Variants in PCDHA9 observed in about 807,000 individuals in gnomAD.
PCDHA9 encodes the protein protocadherin alpha-9.
In PCDHA9, 62 loss-of-function variants were observed where a neutral mutation model predicts 62.0. The observed-to-expected ratio is 1.00, with a 90% CI of 0.81 to 1.23. The LOEUF is 1.23. PCDHA9 is among the 50% of genes most tolerant of loss of function. The probability of loss-of-function intolerance (pLI) is 0.00; values close to 1 mark genes in which losing one functional copy is unlikely to be tolerated. For synonymous variants in PCDHA9, 557 were observed against 567.6 expected (o/e 0.98, Z 0.27); for missense variants, 1,205 against 1,249.8 (o/e 0.96, Z 0.54).
intron 1 of PCDHA9, chr5:140,854,257 T>C (rs189442319): frequency 3.3e-6 from 2 of 609,080 alleles, no homozygotes; most frequent in Non-Finnish European, 4.1e-6. Flanking sequence ...TGGTATAAAA[T>C]GTACATTAGT....
At chr5:140,884,175 C>T in intron 1 of PCDHA9, 1 of 1,613,438 alleles carries the variant, frequency 6.2e-7, no homozygotes, top group Non-Finnish European at 8.5e-7. Context: ...ACGACGCGCC[C>T]TCTGGACGAG....
Position 140,850,000 on chromosome 5 carries a change from G to T in PCDHA9, c.1505G>T (p.Arg502Leu). ...CTGGTGGAGCGGCGGTTGGGCGAGC[G>T]CTCGCTGTCGAGCTACGTGTCAGTG... ...YSLVERRLGERSLSSYVSVHA... is the reference protein window; with the variant it reads ...YSLVERRLGELSLSSYVSVHA... Residue 502 changes from arginine to leucine, a missense_variant, in exon 1 of 4, where the codon CGC becomes CTC. Coordinates refer to ENST00000532602, the MANE Select transcript of PCDHA9 (RefSeq NM_031857.2). 3.1e-6 allele frequency: 5 copies of T among 1,597,068 alleles called. No individual in the cohort carries two copies. The highest frequency in any genetic ancestry group is 3.4e-6 in the Non-Finnish European group (4 of 1,167,854).
At position 140,855,779 on chromosome 5, in the gene PCDHA9, A is replaced by T. The variant is rs1017564312; in HGVS notation, c.2394+4890A>T. On this transcript the variant is annotated intron_variant, in intron 1 of 3. Transcript: ENST00000532602. ...AAAGTCCATAGACATAAAAATACGT[A>T]AAAAAAGAATTAACATATGAATGAA... is the stretch of plus-strand genomic sequence containing the variant. 1.2e-5 allele frequency: 5 copies of T among 408,902 alleles called. 1 individual carries two copies. Among genetic ancestry groups the T allele is most frequent in the African/African-American group, 2.0e-5 (1 of 49,354 alleles). The allele number at this position is 408,902 out of a possible 1,614,324, so 25.3% of individuals were successfully genotyped here.
intron 1 of PCDHA9, chr5:140,862,621 C>G (rs1452170238): frequency 1.9e-6 from 1 of 528,602 alleles, no homozygotes; most frequent in Admixed American, 2.0e-5. Context: ...TAACAACCCG[C>G]GGGGCTGCCA....
intron 1 of PCDHA9, chr5:140,881,365 T>A (rs1216010175): frequency 1.0e-6 from 1 of 985,144 alleles, no homozygotes; most frequent in Non-Finnish European, 1.2e-6. Flanking sequence ...GGCTTTCGTA[T>A]GAATTGCAGC....
intron 1 of PCDHA9, chr5:140,969,096 A>T: frequency 6.2e-7 from 1 of 1,614,162 alleles, no homozygotes; most frequent in Non-Finnish European, 8.5e-7. Flanking sequence ...GTGCAGCCTC[A>T]CTTCATTGAA....
chr5:140,850,016 C>A lies in PCDHA9; in HGVS notation c.1521C>A (p.Tyr507Ter). The change falls in exon 1 of 4, where the codon TAC becomes TAA. Residue 507 changes from tyrosine (Y) to a stop codon, truncating the protein, a stop_gained. Coordinates refer to ENST00000532602, the MANE Select transcript of PCDHA9 (RefSeq NM_031857.2). LOFTEE classifies it high-confidence loss of function. ...RRLGERSLSS[Y>*]VSVHAESGKV... ...TGGGCGAGCGCTCGCTGTCGAGCTA[C>A]GTGTCAGTGCACGCGGAGAGCGGCA... 1 of 1,596,912 alleles carries A rather than the reference C, an allele frequency of 6.3e-7. No homozygotes were observed.
At chr5:140,882,071 ATGGTGTC>A in intron 1 of PCDHA9, 1 of 864,194 alleles carries the variant, frequency 1.2e-6, no homozygotes, top group Non-Finnish European at 1.7e-6. Context: ...GTTCATGCGC[ATGGTGTC>A]GCTCTTCACT....
intron 1 of PCDHA9, chr5:140,866,543 G>A (rs1329299752): frequency 3.3e-5 from 5 of 152,066 alleles, no homozygotes; most frequent in South Asian, 2.1e-4. Context: ...TTAGCATCAC[G>A]GAATAAATCC....
rs1554263423 is a variant in PCDHA9 at position 141,011,323 on chromosome 5, C to T, written c.*1386C>T. 1 of 153,686 alleles carries T rather than the reference C, an allele frequency of 6.5e-6. No individual in the cohort carries two copies. The highest frequency in any genetic ancestry group is 1.5e-5 in the Non-Finnish European group (1 of 68,036). The allele number at this position is 153,686 out of a possible 1,614,324, so 9.5% of individuals were successfully genotyped here. A position where few individuals can be genotyped will look rare whatever the true frequency, so the allele number is the denominator to read the frequency against. ...TCTGAATTGCTAATCTTACTAACACCTATGATGTTACCTGAAATCAATCTC... is the reference window on the plus strand; with the variant it reads ...TCTGAATTGCTAATCTTACTAACACTTATGATGTTACCTGAAATCAATCTC... On this transcript the variant is annotated 3_prime_UTR_variant, in exon 4 of 4. Transcript: ENST00000532602.
intron 1 of PCDHA9, chr5:140,927,232 G>A (rs1554204208): frequency 6.2e-7 from 1 of 1,614,104 alleles, no homozygotes; most frequent in African/African-American, 1.3e-5. Flanking sequence ...TCGGATTCAC[G>A]TCCTGGACAC....
At chr5:140,983,513 C>G (rs893446292) in intron 3 of PCDHA9, among the ~76,000 whole-genome samples, 1 of 152,196 alleles carries the variant, frequency 6.6e-6, no homozygotes, top group South Asian at 2.1e-4. Flanking sequence ...TGCCTAGACA[C>G]TGTGCCAAGT....
intron 1 of PCDHA9, chr5:140,862,823 C>A (rs782375120): frequency 8.7e-6 from 5 of 571,444 alleles, no homozygotes; most frequent in Admixed American, 1.9e-5. Flanking sequence ...TAGGTGAGAG[C>A]GCGCGACGCG....
At chr5:140,886,254 CTATT>C (rs1407308299) in intron 1 of PCDHA9, among the ~76,000 whole-genome samples, 1 of 151,720 alleles carries the variant, frequency 6.6e-6, no homozygotes, top group African/African-American at 2.4e-5. Context: ...AAAAGTATCT[CTATT>C]TATAGATAAA....
chr5:140,865,089 TA>T (rs1554159250), intron 1 of PCDHA9: 1 of 152,250 alleles, frequency 6.6e-6, no homozygotes, highest in Admixed American at 6.5e-5. Flanking sequence ...GGGATATTAA[TA>T]AAGGCACTTC....
At chr5:140,878,225 A>G (rs1554170330) in intron 1 of PCDHA9, 1 of 156,262 alleles carries the variant, frequency 6.4e-6, no homozygotes, top group Non-Finnish European at 1.4e-5. Context: ...CCTAGATCCC[A>G]TTAATGGATT....
At position 140,876,601 on chromosome 5, in the gene PCDHA9, C is replaced by A. The variant is rs143847585; in HGVS notation, c.2394+25712C>A. The A allele has an allele frequency of 2.5e-4, 409 of 1,614,152 alleles. No individual in the cohort carries two copies. The highest frequency in any genetic ancestry group is 3.3e-4 in the Non-Finnish European group (387 of 1,180,034). ...CATTGCCCTGATTAGCGTGTCGGAT[C>A]GTGACTCTGGAGCCAATGGACAGGT... On this transcript the variant is annotated intron_variant, in intron 1 of 3. Coordinates refer to ENST00000532602, the MANE Select transcript of PCDHA9 (RefSeq NM_031857.2).
chr5:140,997,606 A>G (rs1554255929), intron 3 of PCDHA9, among the ~76,000 whole-genome samples: 1 of 152,090 alleles, frequency 6.6e-6, no homozygotes, highest in Non-Finnish European at 1.5e-5. Context: ...TATGGGGCGC[A>G]TGACTATATA....
In PCDHA9 at chr5:140,978,956, A is replaced by G; in HGVS notation, c.2402A>G (p.Gln801Arg). 3 of 1,614,194 alleles carry G rather than the reference A, an allele frequency of 1.9e-6. No individual in the cohort carries two copies. The highest frequency in any genetic ancestry group is 2.5e-6 in the Non-Finnish European group (3 of 1,180,026). ...CTCTTTGTGATTTTGCAGCCACGAC[A>G]GCCCAACCCTGACTGGCGTTACTCT... ...ASSDSTGKPR[Q>R]PNPDWRYSAS... Residue 801 changes from glutamine (Q) to arginine (R), a missense_variant, in exon 2 of 4, where the codon CAG becomes CGG. Transcript: ENST00000532602.
Sources: allele counts gnomAD v4.1 joint callset (sites outside exome capture counted in the v4.1 genomes callset), GRCh38; gene constraint gnomAD v4.1.1; transcripts MANE v1.5; gene names NCBI Gene and HGNC (gene_info 2026-07-23, HGNC 2026-07-21).